The following RIMBP2 variants were observed in gnomAD, a reference collection of about 807,000 sequenced individuals.
RIMBP2 encodes the protein RIMS-binding protein 2.
RIMBP2 carries 48 observed loss-of-function variants against 118.6 expected under a neutral mutation model. The ratio of observed to expected loss-of-function variants is 0.40; its 90% CI spans 0.32 to 0.51. The LOEUF is 0.51. Ranked by LOEUF, RIMBP2 falls within the 20% of genes least tolerant of loss-of-function variation. The pLI, the probability that RIMBP2 is intolerant of heterozygous loss-of-function variation, is 0.41. For synonymous variants in RIMBP2, 762 were observed against 742.9 expected (o/e 1.03, Z -0.42); for missense variants, 1,551 against 1,768.3 (o/e 0.88, Z 2.20).
chr12:130,613,630 G>A (rs1410014566), intron 2 of RIMBP2, among the ~76,000 whole-genome samples: 2 of 152,106 alleles, frequency 1.3e-5, no homozygotes, highest in South Asian at 2.1e-4. Context: ...CCTGGCCAAC[G>A]TGGTGAAACC....
At chr12:130,677,552 T>C (rs1235008837) in intron 1 of RIMBP2, among the ~76,000 whole-genome samples, 1 of 152,018 alleles carries the variant, frequency 6.6e-6, no homozygotes, top group Non-Finnish European at 1.5e-5. Context: ...CACTTGAACC[T>C]GGGAGGCAGA....
intron 18 of RIMBP2, 23 bp from the exon 19 acceptor site, chr12:130,412,810 A>G: frequency 1.2e-6 from 2 of 1,600,318 alleles, no homozygotes; most frequent in Non-Finnish European, 8.5e-7. Flanking sequence ...GGGAAAATAA[A>G]TCAAGCACTG....
intron 4 of RIMBP2, among the ~76,000 whole-genome samples, chr12:130,481,610 C>T (rs575552276): frequency 7.9e-5 from 12 of 152,276 alleles, no homozygotes; most frequent in African/African-American, 1.9e-4. Flanking sequence ...ACCCGGGATC[C>T]GGAGAAAATG....
intron 2 of RIMBP2, among the ~76,000 whole-genome samples, chr12:130,597,197 T>C (rs910747818): frequency 3.9e-5 from 6 of 152,220 alleles, no homozygotes; most frequent in African/African-American, 1.4e-4. Context: ...ATTTGGAAAA[T>C]TAAATCCAAC....
At chr12:130,645,663 A>G (rs2062836005) in intron 1 of RIMBP2, among the ~76,000 whole-genome samples, 1 of 152,220 alleles carries the variant, frequency 6.6e-6, no homozygotes, top group Non-Finnish European at 1.5e-5. Flanking sequence ...CGTTAGCCCA[A>G]AGAGCAGAGA....
At chr12:130,682,345 G>T (rs906296770) in intron 1 of RIMBP2, among the ~76,000 whole-genome samples, 7 of 152,212 alleles carry the variant, frequency 4.6e-5, no homozygotes, top group African/African-American at 1.7e-4. Flanking sequence ...AAGAAACCTG[G>T]GTTCCTGAGT....
At chr12:130,682,405 G>T (rs989258453) in intron 1 of RIMBP2, among the ~76,000 whole-genome samples, 5 of 152,228 alleles carry the variant, frequency 3.3e-5, no homozygotes, top group South Asian at 2.1e-4. Context: ...CCTGCAAGGG[G>T]GAAATGAACG....
At chr12:130,456,373 G>A (rs1342775791) in intron 7 of RIMBP2, 123 bp downstream of exon 7, 11 of 758,162 alleles carry the variant, frequency 1.5e-5, no homozygotes, top group Non-Finnish European at 2.3e-5. Context: ...TCCCATTGCA[G>A]TGGCGGGTCC....
chr12:130,441,828 C>G lies in RIMBP2; in HGVS notation c.1504+20G>C, dbSNP rs776806127. 1.8e-5 allele frequency: 29 copies of G among 1,602,400 alleles called. No homozygotes were observed. Among genetic ancestry groups the G allele is most frequent in the Non-Finnish European group, 2.1e-5 (25 of 1,172,318 alleles). On this transcript the variant is annotated intron_variant, in intron 11 of 22. Coordinates refer to ENST00000690449, the MANE Select transcript of RIMBP2 (RefSeq NM_001393629.1). The stretch of plus-strand genomic sequence containing the variant: ...TGGCGTTCTCTCCCTGGGGGACCCA[C>G]GGAAGGACACAGGGCTCACCTGCAG...
At position 130,542,449 on chromosome 12, in the gene RIMBP2, A is replaced by G. The variant is rs1422354103; in HGVS notation, c.-216-24532T>C. On this transcript the variant is annotated intron_variant, in intron 2 of 22. Coordinates refer to ENST00000690449, the MANE Select transcript of RIMBP2 (RefSeq NM_001393629.1). ...AATCTGAGATGAGTTTTTATCACAGATTATCTGTTGCATCCTCTGCCTTTG... is the reference window on the plus strand; with the variant it reads ...AATCTGAGATGAGTTTTTATCACAGGTTATCTGTTGCATCCTCTGCCTTTG... Among the ~76,000 whole-genome samples the G allele has an allele frequency of 1.3e-5, 2 of 152,232 alleles. 1 individual carries two copies.
intron 2 of RIMBP2, among the ~76,000 whole-genome samples, chr12:130,559,277 G>A (rs1593795336): frequency 6.6e-6 from 1 of 152,172 alleles, no homozygotes; most frequent in East Asian, 1.9e-4. Context: ...CCACCTAATA[G>A]ATATTTTGTA....
At chr12:130,641,354 ACACTCG>A in intron 1 of RIMBP2, among the ~76,000 whole-genome samples, 1 of 144,694 alleles carries the variant, frequency 6.9e-6, no homozygotes, top group East Asian at 2.1e-4. Flanking sequence ...TGACTGCCGG[ACACTCG>A]GCCCGGCTTC....
intron 1 of RIMBP2, among the ~76,000 whole-genome samples, chr12:130,644,119 TGG>T (rs2141043411): frequency 6.6e-6 from 1 of 152,324 alleles, no homozygotes; most frequent in African/African-American, 2.4e-5. Context: ...CCGCTCTCAC[TGG>T]CAGAAAAGCT....
intron 6 of RIMBP2, among the ~76,000 whole-genome samples, chr12:130,468,686 T>C (rs75395784): frequency 0.027 from 4,110 of 152,220 alleles, 212 homozygotes; most frequent in African/African-American, 0.095. Flanking sequence ...CGGAAGGTTG[T>C]GAGGCTCAGG....
rs1272867114 is a variant in RIMBP2 at position 130,624,374 on chromosome 12, C to A, written c.-217+3948G>T. Among the ~76,000 whole-genome samples the A allele has an allele frequency of 2.0e-5, 3 of 152,068 alleles. No individual in the cohort carries two copies. In the East Asian group the frequency reaches 5.8e-4, roughly 29 times the overall value. On this transcript the variant is annotated intron_variant, in intron 2 of 22. Transcript: ENST00000690449. ...TGTAAGTAATGAAAATTAAAAGTTG[C>A]AGAACAGATTATGTGTGTACTTGGA...
chr12:130,628,834 C>A (rs893951013), intron 1 of RIMBP2, among the ~76,000 whole-genome samples: 6 of 152,142 alleles, frequency 3.9e-5, no homozygotes, highest in Non-Finnish European at 5.9e-5. Context: ...GAATTGAGGG[C>A]ACAAGTCAAT....
intron 4 of RIMBP2, 83 bp from the exon 5 acceptor site, chr12:130,479,099 C>G (rs1377989039): frequency 7.9e-6 from 9 of 1,135,016 alleles, no homozygotes; most frequent in Non-Finnish European, 1.1e-5. Flanking sequence ...CAAGCTGGCT[C>G]TGACTCAGCC....
Position 130,646,423 on chromosome 12 carries a change from TTCCCTCTCCACCTCCCTTGC to T in RIMBP2, c.-351-17987_-351-17968del, listed in dbSNP as rs1566423519. On this transcript the variant is annotated intron_variant, in intron 1 of 22. Transcript: ENST00000690449. ...CCTGCCTCTCCACCTCCCTCACCAC[TTCCCTCTCCACCTCCCTTGC>T]CACCTCCCTCGCCACCTCCCTCGCT... Among the ~76,000 whole-genome samples, 52 of 7,482 alleles carry T rather than the reference TTCCCTCTCCACCTCCCTTGC, an allele frequency of 7.0e-3. 20 individuals carry two copies. The highest frequency in any genetic ancestry group is 0.059 in the East Asian group (12 of 204). 4.9% of individuals were successfully genotyped at this position (7,482 alleles called of 152,430 possible).
intron 1 of RIMBP2, among the ~76,000 whole-genome samples, chr12:130,642,252 C>T (rs983060726): frequency 5.9e-5 from 9 of 151,392 alleles, no homozygotes; most frequent in Non-Finnish European, 1.3e-4. Flanking sequence ...GCCCTGGCTC[C>T]GGCTGGGACT....
Sources: gnomAD v4.1 joint callset for allele counts (sites outside exome capture counted in the v4.1 genomes callset) on GRCh38, gnomAD v4.1.1 for gene constraint, MANE v1.5 for transcripts, NCBI Gene and HGNC (gene_info 2026-07-23, HGNC 2026-07-21) for gene names.